TASP1: variants seen among roughly 807,000 people sequenced by gnomAD.
TASP1 encodes taspase 1, also known as threonine aspartase 1.
Under a neutral mutation model 56.6 loss-of-function variants are expected in TASP1, and 16 were observed. The ratio of observed to expected loss-of-function variants is 0.28; its 90% CI spans 0.19 to 0.43. The LOEUF is 0.43. TASP1 is among the 20% of genes least tolerant of loss of function. TASP1 has a pLI of 1.00. For synonymous variants in TASP1, 179 were observed against 184.2 expected, an observed-to-expected ratio of 0.97 and a Z score of 0.23; for missense variants, 393 against 511.6, an observed-to-expected ratio of 0.77 and a Z score of 2.24.
At chr20:13,222,310 A>G in the TASP1 span, among the ~76,000 whole-genome samples, 1 of 152,106 alleles carries the variant, frequency 6.6e-6, no homozygotes, top group Admixed American at 6.5e-5. Context: ...GGACGCAAGG[A>G]GACTTTATAG....
At chr20:13,150,724 A>T in the TASP1 span, among the ~76,000 whole-genome samples, 5 of 152,000 alleles carry the variant, frequency 3.3e-5, no homozygotes, top group Non-Finnish European at 7.4e-5. Flanking sequence ...TAGACAATCC[A>T]TTCATCTTTC....
intron 10 of TASP1, among the ~76,000 whole-genome samples, chr20:13,486,255 A>C (rs2043314280): frequency 6.6e-6 from 1 of 152,174 alleles, no homozygotes; most frequent in African/African-American, 2.4e-5. Flanking sequence ...GACTTTCACT[A>C]TACCCTCTTT....
chr20:13,328,906 T>C, the TASP1 span, among the ~76,000 whole-genome samples: 2 of 152,156 alleles, frequency 1.3e-5, no homozygotes, highest in Admixed American at 1.3e-4. Flanking sequence ...GGCAAACATT[T>C]ACCTATGTAA....
At chr20:13,265,788 T>C in the TASP1 span, among the ~76,000 whole-genome samples, 1 of 152,198 alleles carries the variant, frequency 6.6e-6, no homozygotes, top group African/African-American at 2.4e-5. Flanking sequence ...GAGGGCACAT[T>C]GCTACTGGTA....
chr20:13,137,296 C>A, the TASP1 span, among the ~76,000 whole-genome samples: 1 of 152,138 alleles, frequency 6.6e-6, no homozygotes. Flanking sequence ...GTTGCCTTGG[C>A]TGTAGAATTC....
intron 1 of TASP1, among the ~76,000 whole-genome samples, chr20:13,630,826 T>TCCC (rs2049060944): frequency 1.3e-5 from 2 of 152,096 alleles, no homozygotes; most frequent in South Asian, 4.1e-4. Flanking sequence ...CAGTGTTTAT[T>TCCC]ACCAGCCCAC....
At chr20:13,399,017 A>G (rs4813128) in intron 13 of TASP1, among the ~76,000 whole-genome samples, 1 of 152,210 alleles carries the variant, frequency 6.6e-6, no homozygotes, top group Admixed American at 6.5e-5. Context: ...TTCCAATGCC[A>G]AATCCAATAG....
At chr20:13,433,136 C>T (rs1269822744) in intron 12 of TASP1, among the ~76,000 whole-genome samples, 4 of 152,020 alleles carry the variant, frequency 2.6e-5, no homozygotes, top group African/African-American at 9.7e-5. Context: ...AGCCCCGCAC[C>T]CCCTGACAAG....
At chr20:13,498,048 C>T (rs191701901) in intron 10 of TASP1, among the ~76,000 whole-genome samples, 1 of 152,202 alleles carries the variant, frequency 6.6e-6, no homozygotes, top group East Asian at 1.9e-4. Context: ...TCCTGGACAA[C>T]AGCCTTGGCA....
chr20:13,294,724 G>A, the TASP1 span, among the ~76,000 whole-genome samples: 243 of 152,308 alleles, frequency 1.6e-3, no homozygotes, highest in African/African-American at 5.3e-3. Flanking sequence ...TCAGAGAGGA[G>A]GCCACAGCCA....
chr20:13,390,484 A>C (rs2041231774), intron 13 of TASP1, 32 bp from the exon 14 acceptor site: 1 of 1,603,908 alleles, frequency 6.2e-7, no homozygotes, highest in East Asian at 2.2e-5. Flanking sequence ...AGAGCATCAG[A>C]GGGGTCAGCG....
At chr20:13,158,586 G>T in the TASP1 span, among the ~76,000 whole-genome samples, 1 of 152,190 alleles carries the variant, frequency 6.6e-6, no homozygotes, top group Non-Finnish European at 1.5e-5. Context: ...ATTCTGTGCA[G>T]TTCCGTGGGC....
chr20:13,574,370 T>A (rs11698396), intron 6 of TASP1, among the ~76,000 whole-genome samples: 35,417 of 152,094 alleles, frequency 0.23, 4,539 homozygotes, highest in Non-Finnish European at 0.29. Flanking sequence ...AATGTAAGAA[T>A]AGTTTTTAAA....
the TASP1 span, chr20:13,160,002 G>A: frequency 3.0e-5 from 48 of 1,591,766 alleles, no homozygotes; most frequent in African/African-American, 8.2e-5. Flanking sequence ...TTTTCCTTAA[G>A]GGCTTTTGCA....
At chr20:13,361,961 T>A in the TASP1 span, among the ~76,000 whole-genome samples, 1 of 151,800 alleles carries the variant, frequency 6.6e-6, no homozygotes, top group Non-Finnish European at 1.5e-5. Flanking sequence ...TTCCATTTAG[T>A]TTCTCAATTC....
the TASP1 span, among the ~76,000 whole-genome samples, chr20:13,186,710 T>C: frequency 6.6e-6 from 1 of 152,144 alleles, no homozygotes; most frequent in South Asian, 2.1e-4. Flanking sequence ...ACAAGGATAC[T>C]AGAAGAATTT....
At chr20:13,633,237 T>C (rs1207349798) in intron 1 of TASP1, among the ~76,000 whole-genome samples, 1 of 152,158 alleles carries the variant, frequency 6.6e-6, no homozygotes. Context: ...ACTAATTTTT[T>C]AAGGTATGGT....
the TASP1 span, among the ~76,000 whole-genome samples, chr20:13,305,216 A>C: frequency 6.8e-6 from 1 of 146,348 alleles, no homozygotes; most frequent in South Asian, 2.2e-4. Context: ...AAAAAAAAAA[A>C]AAACCCTTAA....
chr20:13,375,035 G>A, the TASP1 span, among the ~76,000 whole-genome samples: 3 of 152,154 alleles, frequency 2.0e-5, no homozygotes, highest in African/African-American at 7.2e-5. Context: ...AAATTACTCA[G>A]CAGTATAATT....
Sources: allele counts gnomAD v4.1 joint callset (sites outside exome capture counted in the v4.1 genomes callset), GRCh38; gene constraint gnomAD v4.1.1; transcripts MANE v1.5; gene names NCBI Gene and HGNC (gene_info 2026-07-23, HGNC 2026-07-21).